STAM2: variants seen among roughly 807,000 people sequenced by gnomAD.
The protein encoded by STAM2 is signal transducing adapter molecule 2.
A neutral mutation model predicts 65.6 loss-of-function variants in STAM2; 51 were observed. The ratio of observed to expected loss-of-function variants is 0.78; its 90% CI spans 0.62 to 0.98. STAM2 has a LOEUF of 0.98. Among genes scored for constraint, STAM2 ranks in the 50% least tolerant of loss-of-function variants. STAM2 has a pLI of 0.00. For synonymous variants in STAM2, 198 were observed against 208.4 expected (o/e 0.95, Z 0.43); for missense variants, 584 against 617.8 (o/e 0.95, Z 0.58).
At chr2:152,161,100 T>C (rs1170759988) in intron 1 of STAM2, among the ~76,000 whole-genome samples, 2 of 152,182 alleles carry the variant, frequency 1.3e-5, no homozygotes, top group African/African-American at 2.4e-5. Flanking sequence ...ATGGTTGCCG[T>C]GTCTGTGTAG....
intron 11 of STAM2, among the ~76,000 whole-genome samples, chr2:152,127,119 T>A (rs971264813): frequency 6.6e-6 from 1 of 152,206 alleles, no homozygotes; most frequent in African/African-American, 2.4e-5. Flanking sequence ...CTTGAGCTGC[T>A]GCTCAGGCCC....
rs780723557 is a variant in STAM2, at chr2:152,144,933, CA to C, written c.471del (p.Asn157LysfsTer14). The C allele has an allele frequency of 2.5e-6, 4 of 1,613,876 alleles. No individual in the cohort carries two copies. The Admixed American group carries it at 5.0e-5, about 20-fold the overall frequency. Reference sequence around the variant, plus strand: ...TCTTTGTTTTTGTTCGATGACGTACCATTCTTGGCAGCAGCTGAGACAGTCT... The same window carrying C: ...TCTTTGTTTTTGTTCGATGACGTACCTTCTTGGCAGCAGCTGAGACAGTCT... ...GSQTVSAAAKNGTSSNKNKED... is the reference protein window; with the variant it reads ...GSQTVSAAAKXGTSSNKNKED... On this transcript the variant is annotated frameshift_variant, in exon 6 of 14. Transcript: ENST00000263904. LOFTEE classifies it high-confidence loss of function.
At chr2:152,173,335 C>T (rs547840252) in intron 1 of STAM2, among the ~76,000 whole-genome samples, 11 of 146,050 alleles carry the variant, frequency 7.5e-5, no homozygotes, top group South Asian at 2.1e-4. Context: ...TTTGTGTATG[C>T]GTGTGTGTCT....
intron 7 of STAM2, 22 bp downstream of exon 7, chr2:152,143,805 C>T: frequency 1.3e-6 from 2 of 1,577,868 alleles, no homozygotes; most frequent in Non-Finnish European, 1.7e-6. Context: ...TTTAAACCTT[C>T]CCATAAAGAT....
At chr2:152,175,466 G>T in intron 1 of STAM2, 137 bp downstream of exon 1, 1 of 1,146,536 alleles carries the variant, frequency 8.7e-7, no homozygotes, top group Non-Finnish European at 1.3e-6. Context: ...CAACGTCGAA[G>T]GAGCGGGCGG....
At position 152,117,305 on chromosome 2, in the gene STAM2, G is replaced by A. The variant is rs1420149647; in HGVS notation, c.*3269C>T. 1 of 152,036 alleles carries A rather than the reference G, an allele frequency of 6.6e-6. No individual in the cohort carries two copies. The highest frequency in any genetic ancestry group is 2.4e-5 in the African/African-American group (1 of 41,384). 9.4% of individuals were successfully genotyped at this position (152,036 alleles called of 1,614,324 possible). A position where few individuals can be genotyped will look rare whatever the true frequency, so the allele number is the denominator to read the frequency against. ...GCCTACTGACTAGCTGGGACTACAGGTGCACTACCACACCTGGCTAAGTTT... is the reference window on the plus strand; with the variant it reads ...GCCTACTGACTAGCTGGGACTACAGATGCACTACCACACCTGGCTAAGTTT... On this transcript the variant is annotated 3_prime_UTR_variant, in exon 14 of 14. Coordinates refer to ENST00000263904, the MANE Select transcript of STAM2 (RefSeq NM_005843.6).
intron 5 of STAM2, 148 bp downstream of exon 5, chr2:152,147,014 T>C (rs1689348432): frequency 1.5e-6 from 1 of 658,578 alleles, no homozygotes; most frequent in Non-Finnish European, 2.4e-6. Flanking sequence ...GAATGTCTAC[T>C]AAACGTAAGG....
chr2:152,117,990 C>A lies in STAM2; in HGVS notation c.*2584G>T, dbSNP rs192258438. The A allele has an allele frequency of 2.6e-5, 4 of 152,156 alleles. 1 individual carries two copies. The East Asian group carries it at 7.7e-4, about 29-fold the overall frequency. 9.4% of individuals were successfully genotyped at this position (152,156 alleles called of 1,614,324 possible). A position where few individuals can be genotyped will look rare whatever the true frequency, so the allele number is the denominator to read the frequency against. ...GACAGTATTGGTTGACTACATTTTA[C>A]AAACTATAAGAATATATCCCACACT... On this transcript the variant is annotated 3_prime_UTR_variant, in exon 14 of 14. Coordinates refer to ENST00000263904, the MANE Select transcript of STAM2 (RefSeq NM_005843.6).
At chr2:152,171,392 T>C (rs935608453) in intron 1 of STAM2, among the ~76,000 whole-genome samples, 1 of 148,794 alleles carries the variant, frequency 6.7e-6, no homozygotes, top group Non-Finnish European at 1.5e-5. Flanking sequence ...CTATTCTTAT[T>C]CAAAACCAAA....
In STAM2 at chr2:152,120,567, T is replaced by C; in HGVS notation, c.*7A>G. 1 of 1,613,106 alleles carries C rather than the reference T, an allele frequency of 6.2e-7. No homozygotes were observed. Among genetic ancestry groups the C allele is most frequent in the African/African-American group, 1.3e-5 (1 of 75,010 alleles). On this transcript the variant is annotated 3_prime_UTR_variant, in exon 14 of 14. Transcript: ENST00000263904. ...TGAAGGCTTTCAAGAAAATGCTTGA[T>C]TTGTTTCTAAAGGAGAGGCTGCTGA... is the stretch of plus-strand genomic sequence containing the variant.
intron 1 of STAM2, among the ~76,000 whole-genome samples, chr2:152,162,049 C>T (rs1273477869): frequency 6.6e-6 from 1 of 152,120 alleles, no homozygotes; most frequent in Non-Finnish European, 1.5e-5. Flanking sequence ...GGTAGAACTC[C>T]TGATCTCAGG....
intron 13 of STAM2, 52 bp downstream of exon 13, chr2:152,123,714 A>C: frequency 5.2e-6 from 8 of 1,551,820 alleles, no homozygotes; most frequent in Non-Finnish European, 6.2e-6. Flanking sequence ...TCTCATTCTG[A>C]AAATCTAGGA....
chr2:152,160,127 T>G (rs953715358), intron 1 of STAM2, among the ~76,000 whole-genome samples: 3 of 152,174 alleles, frequency 2.0e-5, no homozygotes, highest in Non-Finnish European at 4.4e-5. Flanking sequence ...AGTGCCAAGA[T>G]TGCAGCCTCT....
At position 152,173,406 on chromosome 2, in the gene STAM2, A is replaced by ATATATATATGTATACATATATATATATT. The variant is rs1560227709; in HGVS notation, c.40+2196_40+2197insAATATATATATATGTATACATATATATA. Among the ~76,000 whole-genome samples the ATATATATATGTATACATATATATATATT allele has an allele frequency of 6.2e-3, 898 of 145,092 alleles. 13 individuals carry two copies. The highest frequency in any genetic ancestry group is 0.018 in the African/African-American group (711 of 39,182). Reference sequence around the variant, plus strand: ...TATATATGTATACATATATATATATATTTTTTTTCGAGACGGAGTCTTGCT... The same window carrying ATATATATATGTATACATATATATATATT: ...TATATATGTATACATATATATATATATATATATATGTATACATATATATATATTTTTTTTTTCGAGACGGAGTCTTGCT... On this transcript the variant is annotated intron_variant, in intron 1 of 13. Transcript: ENST00000263904.
chr2:152,145,633 G>A (rs1193560384), intron 5 of STAM2, among the ~76,000 whole-genome samples: 2 of 152,172 alleles, frequency 1.3e-5, no homozygotes, highest in South Asian at 2.1e-4. Flanking sequence ...ACAGCTACAC[G>A]AGGAGTGCCA....
intron 5 of STAM2, among the ~76,000 whole-genome samples, chr2:152,146,724 A>G (rs1480192856): frequency 6.6e-6 from 1 of 152,182 alleles, no homozygotes; most frequent in East Asian, 1.9e-4. Flanking sequence ...TACCTTCTTC[A>G]CCATTCCAAT....
At chr2:152,151,343 G>A (rs1179190003) in intron 1 of STAM2, among the ~76,000 whole-genome samples, 3 of 151,854 alleles carry the variant, frequency 2.0e-5, no homozygotes, top group East Asian at 3.9e-4. Flanking sequence ...CACCACACTC[G>A]GCTAATTCTT....
intron 1 of STAM2, among the ~76,000 whole-genome samples, chr2:152,161,828 C>CT (rs1485823473): frequency 4.9e-4 from 72 of 147,450 alleles, no homozygotes; most frequent in East Asian, 9.9e-4. Flanking sequence ...ATTTTTTTTT[C>CT]TTTTTTTTTT....
chr2:152,168,015 C>A (rs1396485301), intron 1 of STAM2, among the ~76,000 whole-genome samples: 1 of 151,928 alleles, frequency 6.6e-6, no homozygotes, highest in Admixed American at 6.6e-5. Context: ...GGACAATAGA[C>A]AACCAAGGAG....
Sources: gnomAD v4.1 joint callset for allele counts (sites outside exome capture counted in the v4.1 genomes callset) on GRCh38, gnomAD v4.1.1 for gene constraint, MANE v1.5 for transcripts, NCBI Gene and HGNC (gene_info 2026-07-23, HGNC 2026-07-21) for gene names.